Variants in B4GALT6 observed in about 807,000 individuals in gnomAD.
The protein encoded by B4GALT6 is UDP-Gal:beta-GlcNAc beta-1,4-galactosyltransferase 6.
A neutral mutation model predicts 46.3 loss-of-function variants in B4GALT6; 14 were observed. That is an observed-to-expected ratio of 0.30 (90% CI 0.20 to 0.47). The LOEUF (loss-of-function observed/expected upper bound fraction) is 0.47, where lower values mean the gene tolerates loss of function less well. B4GALT6 is among the 20% of genes least tolerant of loss of function. The probability of loss-of-function intolerance (pLI) is 0.99; values close to 1 mark genes in which losing one functional copy is unlikely to be tolerated. For synonymous variants in B4GALT6, 168 were observed against 162.0 expected, an observed-to-expected ratio of 1.04 and a Z score of -0.28; for missense variants, 386 against 480.1, an observed-to-expected ratio of 0.80 and a Z score of 1.83.
intron 3 of B4GALT6, among the ~76,000 whole-genome samples, chr18:31,653,205 C>A (rs2074096196): frequency 6.6e-6 from 1 of 151,840 alleles, no homozygotes; most frequent in African/African-American, 2.4e-5. Flanking sequence ...GTCCTTTACA[C>A]AAGACCCTTC....
At chr18:31,693,458 G>A in the B4GALT6 span, among the ~76,000 whole-genome samples, 2 of 152,066 alleles carry the variant, frequency 1.3e-5, no homozygotes, top group Non-Finnish European at 2.9e-5. Context: ...CAGCAAATGG[G>A]AGATATAATA....
In B4GALT6 at chr18:31,684,514, G is replaced by C; in HGVS notation, c.-88C>G. The C allele has an allele frequency of 1.3e-6, 2 of 1,537,810 alleles. No homozygotes were observed. The highest frequency in any genetic ancestry group is 1.8e-6 in the Non-Finnish European group (2 of 1,142,238). ...GGCCCTAAACTTCCATAAATGTGCTGAGAACCCCGAGACTGCAGCGGGGTC... is the reference window on the plus strand; with the variant it reads ...GGCCCTAAACTTCCATAAATGTGCTCAGAACCCCGAGACTGCAGCGGGGTC... On this transcript the variant is annotated 5_prime_UTR_variant, in exon 1 of 9. Transcript: ENST00000306851.
intron 3 of B4GALT6, 61 bp downstream of exon 3, chr18:31,657,915 G>GT: frequency 7.3e-7 from 1 of 1,376,742 alleles, no homozygotes; most frequent in Non-Finnish European, 1.0e-6. Flanking sequence ...AAATCATGTG[G>GT]TTTTTATGAC....
rs66578099 is a variant in B4GALT6, at chr18:31,649,575, C to CA, written c.347-4097dup. On this transcript the variant is annotated intron_variant, in intron 3 of 8. Coordinates refer to ENST00000306851, the MANE Select transcript of B4GALT6 (RefSeq NM_004775.5). ...AAAAACAACCCCATTAAAAAATGAG[C>CA]AAAAAAAAAAAAAAAAAAATGAGCA... 2.6e-3 allele frequency among the ~76,000 whole-genome samples: 263 copies of CA among 102,406 alleles called. 2 individuals carry two copies. The highest frequency in any genetic ancestry group is 6.5e-3 in the South Asian group (17 of 2,626). The allele number at this position is 102,406 out of a possible 152,430, so 67.2% of individuals were successfully genotyped here. A position where few individuals can be genotyped will look rare whatever the true frequency, so the allele number is the denominator to read the frequency against.
At chr18:31,720,649 A>G in the B4GALT6 span, among the ~76,000 whole-genome samples, 1 of 152,338 alleles carries the variant, frequency 6.6e-6, no homozygotes, top group South Asian at 2.1e-4. Flanking sequence ...ATTGACCTGA[A>G]TGAGACTGTG....
intron 4 of B4GALT6, among the ~76,000 whole-genome samples, chr18:31,641,227 A>G (rs1444800537): frequency 6.6e-6 from 1 of 152,238 alleles, no homozygotes; most frequent in African/African-American, 2.4e-5. Flanking sequence ...TCTAGCTCCT[A>G]ATACAATAAT....
At chr18:31,625,807 A>G in intron 8 of B4GALT6, 46 bp from the exon 9 acceptor site, 1 of 1,506,970 alleles carries the variant, frequency 6.6e-7, no homozygotes, top group African/African-American at 1.4e-5. Flanking sequence ...AACATGTTCA[A>G]AAAGGAAAAC....
intron 2 of B4GALT6, among the ~76,000 whole-genome samples, chr18:31,659,742 A>G (rs1156294920): frequency 2.0e-5 from 3 of 152,086 alleles, no homozygotes; most frequent in East Asian, 1.9e-4. Context: ...CGAGTGCTGG[A>G]AAGTGTCTGA....
the B4GALT6 span, among the ~76,000 whole-genome samples, chr18:31,704,772 T>C: frequency 6.6e-6 from 1 of 152,118 alleles, no homozygotes; most frequent in Non-Finnish European, 1.5e-5. Flanking sequence ...AAACCACCTA[T>C]AATAGGCTCA....
Position 31,666,339 on chromosome 18 carries a change from C to T in B4GALT6, c.149G>A (p.Gly50Asp). The T allele has an allele frequency of 2.5e-6, 4 of 1,609,310 alleles. No individual in the cohort carries two copies. The highest frequency in any genetic ancestry group is 3.4e-6 in the Non-Finnish European group (4 of 1,177,080). Reference sequence around the variant, plus strand: ...TTTCACATTTTCTCTCAACATTATACCTCGAGCTTGTACCATAAAGAGATA... The same window carrying T: ...TTTCACATTTTCTCTCAACATTATATCTCGAGCTTGTACCATAAAGAGATA... Reference protein sequence around the residue: ...NTYLFMVQARGIMLRENVKTI... With the variant: ...NTYLFMVQARDIMLRENVKTI... Residue 50 changes from glycine (G) to aspartate (D), a missense_variant, in exon 2 of 9, where the codon GGT (glycine) becomes GAT (aspartate). Around this residue, in one of 2 missense-constraint regions of B4GALT6, gnomAD observed 323 missense variants for 438.9 expected, o/e 0.74. Transcript: ENST00000306851.
intron 1 of B4GALT6, among the ~76,000 whole-genome samples, chr18:31,679,442 C>A (rs1038030595): frequency 5.3e-5 from 8 of 152,140 alleles, no homozygotes; most frequent in Admixed American, 2.6e-4. Context: ...TGGAATGGAC[C>A]CAATGACTCT....
chr18:31,709,587 G>A, the B4GALT6 span, among the ~76,000 whole-genome samples: 5 of 137,302 alleles, frequency 3.6e-5, no homozygotes, highest in East Asian at 1.0e-3. Flanking sequence ...GTGTGTGTGT[G>A]TGTGTGTGTG....
chr18:31,667,994 G>A (rs566004854), intron 1 of B4GALT6, among the ~76,000 whole-genome samples: 2 of 152,102 alleles, frequency 1.3e-5, no homozygotes, highest in South Asian at 4.2e-4. Context: ...CTACTCAGGA[G>A]GCTGAGGCAG....
chr18:31,695,605 G>A, the B4GALT6 span, among the ~76,000 whole-genome samples: 42 of 152,350 alleles, frequency 2.8e-4, no homozygotes, highest in East Asian at 5.8e-4. Context: ...GCAAGCTACT[G>A]ATGTGCAATG....
chr18:31,683,451 CAT>C (rs760445988), intron 1 of B4GALT6, among the ~76,000 whole-genome samples: 21 of 152,268 alleles, frequency 1.4e-4, no homozygotes, highest in Non-Finnish European at 1.9e-4. Flanking sequence ...GGAAATATGA[CAT>C]ATTTTAATAT....
At chr18:31,631,396 G>A (rs2073789318) in intron 5 of B4GALT6, among the ~76,000 whole-genome samples, 1 of 151,770 alleles carries the variant, frequency 6.6e-6, no homozygotes, top group Admixed American at 6.6e-5. Flanking sequence ...GTTGCATCAT[G>A]ATCAAATGAT....
chr18:31,628,317 C>T (rs1264733579), intron 6 of B4GALT6, among the ~76,000 whole-genome samples: 1 of 152,112 alleles, frequency 6.6e-6, no homozygotes, highest in Non-Finnish European at 1.5e-5. Context: ...ATTCTTGGCA[C>T]CGTGTACTTC....
At chr18:31,722,319 T>C in the B4GALT6 span, among the ~76,000 whole-genome samples, 1 of 152,138 alleles carries the variant, frequency 6.6e-6, no homozygotes, top group South Asian at 2.1e-4. Flanking sequence ...ACACGTATTC[T>C]CTGGAAGAAT....
the B4GALT6 span, among the ~76,000 whole-genome samples, chr18:31,718,628 A>T: frequency 6.6e-6 from 1 of 152,162 alleles, no homozygotes; most frequent in African/African-American, 2.4e-5. Context: ...ATAGAGGCAG[A>T]AACCTCTGAA....
Sources: gnomAD v4.1 joint callset for allele counts (sites outside exome capture counted in the v4.1 genomes callset) on GRCh38, gnomAD v4.1.1 for gene constraint, gnomAD v4.1.1 regional missense constraint, MANE v1.5 for transcripts, NCBI Gene and HGNC (gene_info 2026-07-23, HGNC 2026-07-21) for gene names.